TOPAZ1: variants seen among roughly 807,000 people sequenced by gnomAD.
TOPAZ1 encodes the protein testis and ovary specific TOPAZ 1.
In TOPAZ1, 66 loss-of-function variants were observed where a neutral mutation model predicts 172.2. The observed-to-expected ratio is 0.38, with a 90% CI of 0.31 to 0.47. TOPAZ1 has a LOEUF of 0.47. Ranked by LOEUF, TOPAZ1 falls within the 20% of genes least tolerant of loss-of-function variation. The pLI is 0.99. For missense variants in TOPAZ1, 1,822 were observed against 1,972.4 expected (o/e 0.92, Z 1.44); for synonymous variants, 681 against 683.9 (o/e 1.00, Z 0.07).
chr3:44,296,456 G>A (rs1014497050), intron 12 of TOPAZ1, among the ~76,000 whole-genome samples: 8 of 149,610 alleles, frequency 5.3e-5, no homozygotes, highest in African/African-American at 1.7e-4. Flanking sequence ...ATGAATTATC[G>A]ATACCAGGAA....
rs1283590282 is a variant in TOPAZ1 at position 44,269,265 on chromosome 3, A to G, written c.3210A>G (p.Glu1070=). The G allele has an allele frequency of 3.2e-6, 5 of 1,550,078 alleles. No individual in the cohort carries two copies. The highest frequency in any genetic ancestry group is 4.4e-6 in the Non-Finnish European group (5 of 1,145,694). ...CTGTCCTAAAGCTGCAGAATCCTGA[A>G]ACTTGTGAAATATTCAAGAGGGAAA... ...KHSVLKLQNP[E]TCEIFKREKN... The change falls in exon 7 of 20, where the codon GAA becomes GAG. Residue 1070 remains glutamate (E), a synonymous_variant. Coordinates refer to ENST00000309765, the MANE Select transcript of TOPAZ1 (RefSeq NM_001145030.2).
At chr3:44,308,672 T>C (rs1453504400) in intron 15 of TOPAZ1, among the ~76,000 whole-genome samples, 1 of 151,976 alleles carries the variant, frequency 6.6e-6, no homozygotes, top group East Asian at 1.9e-4. Flanking sequence ...TTAGAGTATA[T>C]TTTAATTTTA....
At chr3:44,298,905 ATATATTTTTTTTTTT>A (rs1370372911) in intron 12 of TOPAZ1, among the ~76,000 whole-genome samples, 1 of 12,694 alleles carries the variant, frequency 7.9e-5, no homozygotes, top group African/African-American at 4.2e-4. Context: ...ATATATATAT[ATATATTTTTTTTTTT>A]TTTTTTTTTT....
chr3:44,252,203 A>G (rs1213463184), intron 2 of TOPAZ1, among the ~76,000 whole-genome samples: 1 of 152,218 alleles, frequency 6.6e-6, no homozygotes, highest in Admixed American at 6.5e-5. Context: ...TTTCAGGATA[A>G]TTAGAGGCCA....
At chr3:44,299,574 C>A (rs56804186) in intron 12 of TOPAZ1, among the ~76,000 whole-genome samples, 4 of 152,136 alleles carry the variant, frequency 2.6e-5, no homozygotes, top group East Asian at 1.9e-4. Context: ...ACTAGAAATA[C>A]CATTTGACCC....
intron 8 of TOPAZ1, among the ~76,000 whole-genome samples, chr3:44,271,192 G>A (rs1699894052): frequency 6.6e-6 from 1 of 152,112 alleles, no homozygotes; most frequent in African/African-American, 2.4e-5. Context: ...GTGTCATAGG[G>A]TCTGCATATA....
Position 44,321,190 on chromosome 3 carries a change from A to G in TOPAZ1, c.4470A>G (p.Gln1490=), listed in dbSNP as rs1700502867. The change falls in exon 17 of 20, where the codon CAA becomes CAG. Residue 1490 remains glutamine, a splice_region_variant and synonymous_variant. Coordinates refer to ENST00000309765, the MANE Select transcript of TOPAZ1 (RefSeq NM_001145030.2). ...ATCTACCAGGTTTTCAAAATTCCCA[A>G]GGTATGTTTTTTAAAAGTCTATCTT... ...LQNLPGFQNS[Q]ETVEVSQYSL... 9 of 1,537,952 alleles carry G rather than the reference A, an allele frequency of 5.9e-6. No individual in the cohort carries two copies. The highest frequency in any genetic ancestry group is 7.9e-6 in the Non-Finnish European group (9 of 1,142,642).
rs1559551881 is a variant in TOPAZ1 at position 44,332,024 on chromosome 3, G to C, written c.*13G>C. The C allele has an allele frequency of 7.0e-7, 1 of 1,437,752 alleles. No individual in the cohort carries two copies. The highest frequency in any genetic ancestry group is 1.5e-5 in the African/African-American group (1 of 67,584). 89.1% of individuals were successfully genotyped at this position (1,437,752 alleles called of 1,614,324 possible). ...CAGTAACCATTAGCTAATAAAGTCT[G>C]CTTTTTTTTTTTTTTTAGTTCAAGT... On this transcript the variant is annotated 3_prime_UTR_variant, in exon 20 of 20. Coordinates refer to ENST00000309765, the MANE Select transcript of TOPAZ1 (RefSeq NM_001145030.2).
intron 19 of TOPAZ1, among the ~76,000 whole-genome samples, chr3:44,328,993 A>G (rs1034831223): frequency 2.0e-5 from 3 of 152,218 alleles, no homozygotes; most frequent in African/African-American, 7.2e-5. Flanking sequence ...AAATCGTGGT[A>G]TGCCATACGA....
At chr3:44,270,857 C>A in intron 8 of TOPAZ1, 47 bp downstream of exon 8, 4 of 1,457,414 alleles carry the variant, frequency 2.7e-6, no homozygotes, top group African/African-American at 1.4e-5. Context: ...TAATAACTAT[C>A]TCAGTCATGC....
intron 16 of TOPAZ1, among the ~76,000 whole-genome samples, chr3:44,312,256 A>G (rs1386484257): frequency 6.6e-6 from 1 of 151,764 alleles, no homozygotes; most frequent in African/African-American, 2.4e-5. Context: ...AAACACAGGA[A>G]TGTACAGAGC....
intron 12 of TOPAZ1, among the ~76,000 whole-genome samples, chr3:44,291,895 G>C (rs1168741671): frequency 6.6e-6 from 1 of 152,098 alleles, no homozygotes; most frequent in Non-Finnish European, 1.5e-5. Flanking sequence ...TTCTAATGCA[G>C]AGGTTCCCAA....
At position 44,287,829 on chromosome 3, in the gene TOPAZ1, T is replaced by C. The variant is rs1329314293; in HGVS notation, c.3671T>C (p.Ile1224Thr). 4.2e-6 allele frequency: 6 copies of C among 1,427,946 alleles called. No homozygotes were observed. Among genetic ancestry groups the C allele is most frequent in the African/African-American group, 1.4e-5 (1 of 69,252 alleles). The allele number at this position is 1,427,946 out of a possible 1,614,324, so 88.5% of individuals were successfully genotyped here. A position where few individuals can be genotyped will look rare whatever the true frequency, so the allele number is the denominator to read the frequency against. Residue 1224 changes from isoleucine to threonine, a missense_variant, in exon 11 of 20, where the codon ATC (isoleucine) becomes ACC (threonine). Coordinates refer to ENST00000309765, the MANE Select transcript of TOPAZ1 (RefSeq NM_001145030.2). Reference sequence around the variant, plus strand: ...AATGCTGTACCTGCTTTAATTGATATCTTTTGCAAGGTATGGTTTTATTTT... The same window carrying C: ...AATGCTGTACCTGCTTTAATTGATACCTTTTGCAAGGTATGGTTTTATTTT... The part of the protein sequence containing the change: ...LRNAVPALID[I>T]FCKLVEAGMV...
intron 5 of TOPAZ1, among the ~76,000 whole-genome samples, chr3:44,266,187 A>T (rs185952000): frequency 5.3e-5 from 8 of 152,268 alleles, no homozygotes; most frequent in Admixed American, 5.2e-4. Context: ...AATTGAAGAG[A>T]GTTAGGGCCT....
intron 9 of TOPAZ1, among the ~76,000 whole-genome samples, chr3:44,283,925 T>A (rs1700051261): frequency 6.6e-6 from 1 of 152,180 alleles, no homozygotes; most frequent in Non-Finnish European, 1.5e-5. Context: ...AGTACAGTAG[T>A]TTTGTCTAAT....
At chr3:44,258,473 C>T (rs1174972450) in intron 4 of TOPAZ1, among the ~76,000 whole-genome samples, 1 of 152,168 alleles carries the variant, frequency 6.6e-6, no homozygotes, top group East Asian at 1.9e-4. Context: ...TCGCCCATTC[C>T]TTAACCCTGG....
In TOPAZ1 at chr3:44,243,240, C is replaced by T; in HGVS notation, c.734C>T (p.Pro245Leu). The T allele has an allele frequency of 6.4e-7, 1 of 1,550,640 alleles. No homozygotes were observed. Among genetic ancestry groups the T allele is most frequent in the Non-Finnish European group, 8.7e-7 (1 of 1,146,754 alleles). ...GGTTGTAATGATGAAAACAACCTGCCATATAAACCTGATGGTGGATGTATG... is the reference window on the plus strand; with the variant it reads ...GGTTGTAATGATGAAAACAACCTGCTATATAAACCTGATGGTGGATGTATG... Reference protein sequence around the residue: ...SKGCNDENNLPYKPDGGCMHV... With the variant: ...SKGCNDENNLLYKPDGGCMHV... The change falls in exon 2 of 20, where the codon CCA becomes CTA. Residue 245 changes from proline (P) to leucine (L), a missense_variant. By Grantham distance (98) the Pro-to-Leu change is moderately conservative. This residue lies in a region of TOPAZ1 where 1,489 missense variants were observed against 1,490.8 expected (regional missense o/e 1.00). Coordinates refer to ENST00000309765, the MANE Select transcript of TOPAZ1 (RefSeq NM_001145030.2).
intron 12 of TOPAZ1, among the ~76,000 whole-genome samples, chr3:44,295,989 AT>A (rs1700189806): frequency 6.6e-6 from 1 of 152,196 alleles, no homozygotes; most frequent in African/African-American, 2.4e-5. Flanking sequence ...ACCTCAAAAA[AT>A]TTAAAACAAT....
At position 44,305,292 on chromosome 3, in the gene TOPAZ1, A is replaced by G; in HGVS notation, c.4010A>G (p.Asp1337Gly). The change falls in exon 14 of 20, where the codon GAT (aspartate) becomes GGT (glycine). Residue 1337 changes from aspartate (D) to glycine (G), a missense_variant. Asp to Gly is a moderately conservative substitution (Grantham distance 94). Around this residue, in one of 2 missense-constraint regions of TOPAZ1, gnomAD observed 333 missense variants for 481.7 expected, o/e 0.69. Coordinates refer to ENST00000309765, the MANE Select transcript of TOPAZ1 (RefSeq NM_001145030.2). Reference sequence around the variant, plus strand: ...AAAAACTATGAAGATGAAAGACCAGATATTCCCTTTTGTGAATTTGCTGAA... The same window carrying G: ...AAAAACTATGAAGATGAAAGACCAGGTATTCCCTTTTGTGAATTTGCTGAA... ...LTKNYEDERPDIPFCEFAETV... is the reference protein window; with the variant it reads ...LTKNYEDERPGIPFCEFAETV... 1 of 1,542,066 alleles carries G rather than the reference A, an allele frequency of 6.5e-7. No individual in the cohort carries two copies. Among genetic ancestry groups the G allele is most frequent in the South Asian group, 1.2e-5 (1 of 81,294 alleles).
Sources: allele counts gnomAD v4.1 joint callset (sites outside exome capture counted in the v4.1 genomes callset), GRCh38; gene constraint gnomAD v4.1.1; regional missense constraint gnomAD v4.1.1; transcripts MANE v1.5; gene names NCBI Gene and HGNC (gene_info 2026-07-23, HGNC 2026-07-21).